AEBP2: variants seen among roughly 807,000 people sequenced by gnomAD.
The protein encoded by AEBP2 is AE binding protein 2.
Under a neutral mutation model 50.8 loss-of-function variants are expected in AEBP2, and 10 were observed. The observed-to-expected ratio is 0.20, with a 90% CI of 0.12 to 0.33. AEBP2 has a LOEUF of 0.33. AEBP2 is among the 10% of genes least tolerant of loss of function. AEBP2 has a pLI of 1.00. For synonymous variants in AEBP2, 296 were observed against 261.3 expected (o/e 1.13, Z -1.28); for missense variants, 570 against 688.0 (o/e 0.83, Z 1.92).
chr12:19,465,791 CTTTTT>C (rs11284427), intron 2 of AEBP2, among the ~76,000 whole-genome samples: 1 of 107,684 alleles, frequency 9.3e-6, no homozygotes. Context: ...ATTGTTTTTT[CTTTTT>C]TTTTTTTTTT....
chr12:19,439,585 G>T lies in AEBP2; in HGVS notation c.-115G>T. The T allele has an allele frequency of 2.9e-6, 4 of 1,370,884 alleles. No individual in the cohort carries two copies. The highest frequency in any genetic ancestry group is 1.9e-6 in the Non-Finnish European group (2 of 1,033,332). 84.9% of individuals were successfully genotyped at this position (1,370,884 alleles called of 1,614,324 possible). ...GACGCAGCTCGCGGGCCCTCCTCCT[G>T]CTCTGCAGCGGCGTCGGCGGAGTTT... is the stretch of plus-strand genomic sequence containing the variant. On this transcript the variant is annotated 5_prime_UTR_variant, in exon 1 of 8. Coordinates refer to ENST00000266508, the MANE Select transcript of AEBP2 (RefSeq NM_153207.5).
intron 1 of AEBP2, chr12:19,419,175 C>G (rs1460086069): frequency 6.5e-6 from 1 of 154,074 alleles, no homozygotes; most frequent in Non-Finnish European, 1.5e-5. Flanking sequence ...GCCTCTGGAG[C>G]TGAACACTCA....
At chr12:19,465,530 C>T (rs895711185) in intron 2 of AEBP2, among the ~76,000 whole-genome samples, 10 of 152,058 alleles carry the variant, frequency 6.6e-5, no homozygotes, top group Admixed American at 5.9e-4. Context: ...CAGTTTTTTC[C>T]TACATACCAG....
intron 5 of AEBP2, among the ~76,000 whole-genome samples, chr12:19,504,596 C>T (rs1286010485): frequency 6.6e-6 from 1 of 152,008 alleles, no homozygotes; most frequent in Non-Finnish European, 1.5e-5. Flanking sequence ...ACACCCTATT[C>T]ATGGATTCCA....
chr12:19,499,486 C>T (rs1282192879), intron 4 of AEBP2, among the ~76,000 whole-genome samples: 7 of 151,856 alleles, frequency 4.6e-5, no homozygotes, highest in East Asian at 3.9e-4. Flanking sequence ...TGGTGGTGTG[C>T]GCCTGTAGTC....
intron 1 of AEBP2, among the ~76,000 whole-genome samples, chr12:19,441,672 T>C (rs1164929763): frequency 1.3e-5 from 2 of 152,212 alleles, no homozygotes; most frequent in East Asian, 1.9e-4. Flanking sequence ...TAAGAAAATA[T>C]CTTCGGGTAA....
At chr12:19,494,714 A>C (rs1041525864) in intron 4 of AEBP2, among the ~76,000 whole-genome samples, 18 of 151,940 alleles carry the variant, frequency 1.2e-4, no homozygotes, top group African/African-American at 4.1e-4. Flanking sequence ...TGGGTGTCAT[A>C]GTACCTAGTC....
intron 1 of AEBP2, among the ~76,000 whole-genome samples, chr12:19,454,708 A>C (rs1948234799): frequency 6.6e-6 from 1 of 152,164 alleles, no homozygotes; most frequent in Admixed American, 6.5e-5. Context: ...TTGGCGGCAC[A>C]TACACTAAAA....
Position 19,499,468 on chromosome 12 carries a change from G to T in AEBP2, c.1175-629G>T, listed in dbSNP as rs115458334. Among the ~76,000 whole-genome samples, 1,219 of 152,108 alleles carry T rather than the reference G, an allele frequency of 8.0e-3. 17 individuals are homozygous for T. Among genetic ancestry groups the T allele is most frequent in the African/African-American group, 0.028 (1,145 of 41,484 alleles). On this transcript the variant is annotated intron_variant, in intron 4 of 7. Coordinates refer to ENST00000266508, the MANE Select transcript of AEBP2 (RefSeq NM_153207.5). ...GCTCTACTAAAAATAACAAAAATCA[G>T]CCGGGCTTGGTGGTGTGCGCCTGTA...
chr12:19,515,591 T>C (rs1168349773), intron 7 of AEBP2, among the ~76,000 whole-genome samples: 2 of 151,986 alleles, frequency 1.3e-5, no homozygotes, highest in African/African-American at 4.8e-5. Flanking sequence ...GGACTTTATA[T>C]CTTTTTTCAA....
chr12:19,469,248 G>A (rs1182501224), intron 2 of AEBP2, among the ~76,000 whole-genome samples: 3 of 152,148 alleles, frequency 2.0e-5, no homozygotes, highest in Non-Finnish European at 2.9e-5. Context: ...TTTAATGGCT[G>A]TGTGGGTTTA....
intron 7 of AEBP2, among the ~76,000 whole-genome samples, chr12:19,515,933 C>T (rs1296453626): frequency 6.6e-6 from 1 of 152,038 alleles, no homozygotes; most frequent in Admixed American, 6.6e-5. Context: ...GACCCTGTCT[C>T]TACAAAAAAT....
At chr12:19,510,640 C>T (rs998123592) in intron 5 of AEBP2, among the ~76,000 whole-genome samples, 2 of 152,062 alleles carry the variant, frequency 1.3e-5, no homozygotes, top group Non-Finnish European at 2.9e-5. Flanking sequence ...CAAAGTCATA[C>T]TTTGGAGTCT....
intron 1 of AEBP2, among the ~76,000 whole-genome samples, chr12:19,459,686 A>T (rs1466293936): frequency 6.6e-6 from 1 of 152,212 alleles, no homozygotes; most frequent in African/African-American, 2.4e-5. Context: ...GAGATTACAG[A>T]GTTTTAGAAT....
At chr12:19,512,764 G>GTGGT (rs1949254297) in intron 6 of AEBP2, among the ~76,000 whole-genome samples, 1 of 151,488 alleles carries the variant, frequency 6.6e-6, no homozygotes, top group Admixed American at 6.6e-5. Flanking sequence ...CCTGGCCAAC[G>GTGGT]TGGTAAAACC....
intron 1 of AEBP2, among the ~76,000 whole-genome samples, chr12:19,454,044 T>C (rs919057669): frequency 2.6e-5 from 4 of 152,064 alleles, no homozygotes; most frequent in African/African-American, 9.7e-5. Context: ...CATGTCTCCA[T>C]GTGTACCTTA....
intron 4 of AEBP2, among the ~76,000 whole-genome samples, chr12:19,499,339 G>A (rs1198367192): frequency 6.6e-6 from 1 of 152,154 alleles, no homozygotes; most frequent in African/African-American, 2.4e-5. Flanking sequence ...TAGGCTGGGA[G>A]CAGTGGCTCA....
chr12:19,462,418 T>C (rs1431971746), intron 1 of AEBP2, 92 bp from the exon 2 acceptor site: 1 of 1,050,052 alleles, frequency 9.5e-7, no homozygotes, highest in Non-Finnish European at 1.4e-6. Flanking sequence ...TGGAGCAGAA[T>C]GTCAAGTGGT....
At chr12:19,506,288 T>A (rs1254435171) in intron 5 of AEBP2, among the ~76,000 whole-genome samples, 1 of 151,950 alleles carries the variant, frequency 6.6e-6, no homozygotes, top group Non-Finnish European at 1.5e-5. Context: ...TTAGTAGAGA[T>A]GGGATTTCGC....
Sources: gnomAD v4.1 joint callset for allele counts (sites outside exome capture counted in the v4.1 genomes callset) on GRCh38, gnomAD v4.1.1 for gene constraint, MANE v1.5 for transcripts, NCBI Gene and HGNC (gene_info 2026-07-23, HGNC 2026-07-21) for gene names.